Variants in NAA50 observed in about 807,000 individuals in gnomAD.
NAA50 encodes the protein N-alpha-acetyltransferase 50.
Under a neutral mutation model 20.7 loss-of-function variants are expected in NAA50, and 7 were observed. The observed-to-expected ratio is 0.34, with a 90% CI of 0.19 to 0.63. The LOEUF (loss-of-function observed/expected upper bound fraction) is 0.63. NAA50 is among the 30% of genes least tolerant of loss of function. The pLI is 0.75. For synonymous variants in NAA50, 54 were observed against 70.6 expected (o/e 0.77, Z 1.18); for missense variants, 111 against 199.1 (o/e 0.56, Z 2.66).
intron 4 of NAA50, among the ~76,000 whole-genome samples, 165 bp downstream of exon 4, chr3:113,722,741 A>AAAACAAAACT (rs1708150555): frequency 6.6e-6 from 1 of 152,172 alleles, no homozygotes; most frequent in Non-Finnish European, 1.5e-5. Context: ...TATTATTAAT[A>AAAACAAAACT]AAACAAAACT....
chr3:113,743,616 TTCATC>T (rs1477290506), intron 1 of NAA50, among the ~76,000 whole-genome samples: 2 of 152,234 alleles, frequency 1.3e-5, no homozygotes, highest in Non-Finnish European at 2.9e-5. Flanking sequence ...ATTAAAAAGT[TTCATC>T]TCATCTGGGA....
At chr3:113,726,168 C>G (rs911747534) in intron 1 of NAA50, among the ~76,000 whole-genome samples, 2 of 151,976 alleles carry the variant, frequency 1.3e-5, no homozygotes, top group Admixed American at 1.3e-4. Flanking sequence ...TCTTAGCAAC[C>G]ACACAGATTA....
chr3:113,741,936 T>A (rs913474981), intron 1 of NAA50, among the ~76,000 whole-genome samples: 7 of 152,242 alleles, frequency 4.6e-5, no homozygotes, highest in African/African-American at 1.7e-4. Context: ...GGCATAGTTG[T>A]GCCACATCAT....
intron 1 of NAA50, among the ~76,000 whole-genome samples, chr3:113,731,964 T>C (rs1708279519): frequency 6.6e-6 from 1 of 152,198 alleles, no homozygotes; most frequent in African/African-American, 2.4e-5. Context: ...CCTTAGTTTT[T>C]TTTCTGGTAG....
rs567187876 is a variant in NAA50, at chr3:113,738,855, T to C, written c.8+7087A>G. ...TGCTCCTAAGTACAAAATATTTTCC[T>C]TGCTTATCCTTGTTTACCAAGTTTC... On this transcript the variant is annotated intron_variant, in intron 1 of 4. Coordinates refer to ENST00000240922, the MANE Select transcript of NAA50 (RefSeq NM_025146.4). 1.2e-4 allele frequency among the ~76,000 whole-genome samples: 19 copies of C among 152,330 alleles called. 2 individuals carry two copies. The highest frequency in any genetic ancestry group is 4.1e-4 in the African/African-American group (17 of 41,582).
At chr3:113,729,292 T>A (rs1297563557) in intron 1 of NAA50, among the ~76,000 whole-genome samples, 1 of 152,162 alleles carries the variant, frequency 6.6e-6, no homozygotes. Context: ...ACCCAGCCCT[T>A]GTAATATTCT....
intron 1 of NAA50, among the ~76,000 whole-genome samples, chr3:113,744,857 G>A (rs1708467910): frequency 6.6e-6 from 1 of 152,168 alleles, no homozygotes; most frequent in Middle Eastern, 3.2e-3. Context: ...TAATATTTAG[G>A]TCCTTGTTTG....
At chr3:113,727,298 C>T (rs1225059863) in intron 1 of NAA50, among the ~76,000 whole-genome samples, 1 of 152,050 alleles carries the variant, frequency 6.6e-6, no homozygotes, top group African/African-American at 2.4e-5. Flanking sequence ...GAAGTATCAA[C>T]AATAATAGTA....
At chr3:113,723,579 C>A in intron 2 of NAA50, 38 bp from the exon 3 acceptor site, 1 of 1,556,912 alleles carries the variant, frequency 6.4e-7, no homozygotes, top group Non-Finnish European at 8.7e-7. Context: ...GTTGAACAGA[C>A]AGAATAACAC....
Position 113,720,380 on chromosome 3 carries a change from A to G in NAA50, c.*1380T>C, listed in dbSNP as rs1488439470. 2 of 152,578 alleles carry G rather than the reference A, an allele frequency of 1.3e-5. No individual in the cohort carries two copies. Among genetic ancestry groups the G allele is most frequent in the Non-Finnish European group, 2.9e-5 (2 of 68,010 alleles). 9.5% of individuals were successfully genotyped at this position (152,578 alleles called of 1,614,324 possible). On this transcript the variant is annotated 3_prime_UTR_variant, in exon 5 of 5. Transcript: ENST00000240922. The stretch of plus-strand genomic sequence containing the variant: ...ATTTTAAAGTCTGAGAACATTTCTA[A>G]ATAGTGGAGATGGGACTACAAAAGG...
chr3:113,735,621 G>A lies in NAA50; in HGVS notation c.8+10321C>T, dbSNP rs187537848. Among the ~76,000 whole-genome samples the A allele has an allele frequency of 5.3e-5, 8 of 152,284 alleles. No individual in the cohort carries two copies. In the East Asian group the frequency reaches 1.5e-3, roughly 29 times the overall value. On this transcript the variant is annotated intron_variant, in intron 1 of 4. Transcript: ENST00000240922. ...TTTAAGACCTTTACTCTGTATATAA[G>A]ACACAAATTGCCAGCCTAAGAGTTA... is the stretch of plus-strand genomic sequence containing the variant.
intron 4 of NAA50, 109 bp downstream of exon 4, chr3:113,722,795 CCA>C (rs1227532281): frequency 1.8e-5 from 23 of 1,251,472 alleles, no homozygotes; most frequent in South Asian, 1.5e-4. Context: ...ACAACTACTT[CCA>C]CAGTGTTTCC....
At chr3:113,738,483 T>A (rs944420176) in intron 1 of NAA50, among the ~76,000 whole-genome samples, 2 of 152,258 alleles carry the variant, frequency 1.3e-5, no homozygotes, top group Non-Finnish European at 2.9e-5. Flanking sequence ...TAGTTTTCTA[T>A]GTATTCTTTA....
chr3:113,742,220 T>C (rs1460752568), intron 1 of NAA50, among the ~76,000 whole-genome samples: 1 of 152,180 alleles, frequency 6.6e-6, no homozygotes, highest in Non-Finnish European at 1.5e-5. Context: ...GCTTTTGGTT[T>C]TGCTGAAAAA....
intron 2 of NAA50, 180 bp from the exon 3 acceptor site, chr3:113,723,721 A>G (rs1181853321): frequency 2.4e-6 from 2 of 816,936 alleles, no homozygotes; most frequent in African/African-American, 3.4e-5. Context: ...TCTAGAGTAT[A>G]GCTTAAAGTG....
chr3:113,732,823 T>C (rs1708288413), intron 1 of NAA50, among the ~76,000 whole-genome samples: 2 of 152,196 alleles, frequency 1.3e-5, no homozygotes, highest in Non-Finnish European at 2.9e-5. Flanking sequence ...GTGAAACCCA[T>C]TTCAGACATT....
chr3:113,740,728 G>C (rs1305042539), intron 1 of NAA50: 1 of 164,178 alleles, frequency 6.1e-6, no homozygotes, highest in Non-Finnish European at 1.3e-5. Flanking sequence ...TGTCATACAA[G>C]GCACATTTTT....
At chr3:113,726,922 G>A (rs1304613277) in intron 1 of NAA50, among the ~76,000 whole-genome samples, 1 of 152,158 alleles carries the variant, frequency 6.6e-6, no homozygotes, top group East Asian at 1.9e-4. Context: ...AGCCTAACGA[G>A]TAGCTGAGGA....
chr3:113,726,854 G>T (rs1708205794), intron 1 of NAA50, among the ~76,000 whole-genome samples: 1 of 152,148 alleles, frequency 6.6e-6, no homozygotes, highest in Non-Finnish European at 1.5e-5. Flanking sequence ...TGTTGCCCAG[G>T]CATAATTACA....
Sources: gnomAD v4.1 joint callset for allele counts (sites outside exome capture counted in the v4.1 genomes callset) on GRCh38, gnomAD v4.1.1 for gene constraint, MANE v1.5 for transcripts, NCBI Gene and HGNC (gene_info 2026-07-23, HGNC 2026-07-21) for gene names.